Variants in TNNI3K observed in about 807,000 individuals in gnomAD.
TNNI3K encodes serine/threonine-protein kinase TNNI3K.
In TNNI3K, 140 loss-of-function variants were observed where a neutral mutation model predicts 114.5. The ratio of observed to expected loss-of-function variants is 1.22; its 90% CI spans 1.07 to 1.41. The LOEUF (loss-of-function observed/expected upper bound fraction) is 1.41, where lower values mean the gene tolerates loss of function less well. Ranked by LOEUF, TNNI3K falls within the 40% of genes most tolerant of loss-of-function variation. The pLI, the probability that TNNI3K is intolerant of heterozygous loss-of-function variation, is 0.00. For missense variants in TNNI3K, 1,125 were observed against 1,007.6 expected (o/e 1.12, Z -1.58); for synonymous variants, 347 against 347.5 (o/e 1.00, Z 0.02).
intron 23 of TNNI3K, among the ~76,000 whole-genome samples, chr1:74,516,891 T>A (rs1451268487): frequency 6.6e-6 from 1 of 152,188 alleles, no homozygotes; most frequent in East Asian, 1.9e-4. Context: ...ACAAAAATGA[T>A]ATCAACAATT....
intron 7 of TNNI3K, 95 bp from the exon 8 acceptor site, chr1:74,342,747 T>G: frequency 6.8e-7 from 1 of 1,464,374 alleles, no homozygotes; most frequent in Non-Finnish European, 9.2e-7. Context: ...CAGGAATCAC[T>G]CAGGCACTTA....
At chr1:74,343,605 C>G (rs544168843) in intron 9 of TNNI3K, among the ~76,000 whole-genome samples, 2 of 152,270 alleles carry the variant, frequency 1.3e-5, no homozygotes, top group South Asian at 4.1e-4. Context: ...TCCACTTAAA[C>G]CTTATGTGAA....
chr1:74,268,719 G>A (rs1656167191), intron 4 of TNNI3K, among the ~76,000 whole-genome samples: 1 of 151,842 alleles, frequency 6.6e-6, no homozygotes, highest in African/African-American at 2.4e-5. Flanking sequence ...GTCATTGTGA[G>A]AGCTGAAATT....
intron 4 of TNNI3K, among the ~76,000 whole-genome samples, chr1:74,264,123 AG>A (rs1222612765): frequency 6.6e-6 from 1 of 151,856 alleles, no homozygotes; most frequent in Admixed American, 6.6e-5. Context: ...GTCCAAAGCA[AG>A]GGTACAGATA....
chr1:74,483,314 A>G, intron 21 of TNNI3K: 1 of 717,554 alleles, frequency 1.4e-6, no homozygotes, highest in South Asian at 1.5e-5. Flanking sequence ...TGCACACCAC[A>G]CATGACTCAG....
chr1:74,313,261 GTTC>G (rs1054745218), intron 5 of TNNI3K, among the ~76,000 whole-genome samples: 2 of 152,036 alleles, frequency 1.3e-5, no homozygotes, highest in Non-Finnish European at 2.9e-5. Context: ...TATCTCTACC[GTTC>G]TTCTCTCACC....
chr1:74,478,338 A>T (rs529871176), intron 21 of TNNI3K, among the ~76,000 whole-genome samples: 105 of 152,340 alleles, frequency 6.9e-4, no homozygotes, highest in African/African-American at 2.4e-3. Context: ...ATCAGAATTT[A>T]TTCATGTATA....
chr1:74,478,394 T>C (rs1668310193), intron 21 of TNNI3K, among the ~76,000 whole-genome samples: 2 of 152,232 alleles, frequency 1.3e-5, no homozygotes, highest in South Asian at 4.1e-4. Flanking sequence ...TCTTCTAGAA[T>C]TTGTATTCAT....
chr1:74,326,661 T>G (rs1375218703), intron 5 of TNNI3K, among the ~76,000 whole-genome samples: 1 of 152,166 alleles, frequency 6.6e-6, no homozygotes, highest in Non-Finnish European at 1.5e-5. Flanking sequence ...AAGATTACAT[T>G]GTGTCACTAA....
intron 2 of TNNI3K, among the ~76,000 whole-genome samples, chr1:74,237,670 A>G (rs921526474): frequency 1.3e-5 from 2 of 151,958 alleles, no homozygotes; most frequent in African/African-American, 4.8e-5. Flanking sequence ...GCTATAATGG[A>G]CTTTTCCTGT....
chr1:74,537,321 G>C (rs1383664719), intron 23 of TNNI3K, among the ~76,000 whole-genome samples: 1 of 152,150 alleles, frequency 6.6e-6, no homozygotes, highest in African/African-American at 2.4e-5. Context: ...TGTCTTGAGT[G>C]ATATTCTATT....
chr1:74,531,992 A>G (rs1646592282), intron 23 of TNNI3K, among the ~76,000 whole-genome samples: 1 of 152,222 alleles, frequency 6.6e-6, no homozygotes, highest in African/African-American at 2.4e-5. Flanking sequence ...TTAGCTGCAT[A>G]AAAACTAATT....
chr1:74,291,861 T>G (rs564850773), intron 5 of TNNI3K, among the ~76,000 whole-genome samples: 1 of 151,728 alleles, frequency 6.6e-6, no homozygotes, highest in Non-Finnish European at 1.5e-5. Flanking sequence ...ACTTAATTTT[T>G]TGACATGTTC....
At chr1:74,539,460 A>G (rs1459389990) in intron 23 of TNNI3K, among the ~76,000 whole-genome samples, 10 of 152,188 alleles carry the variant, frequency 6.6e-5, no homozygotes, top group African/African-American at 9.6e-5. Context: ...AGATGCTAGG[A>G]TGAAGATTTT....
intron 20 of TNNI3K, among the ~76,000 whole-genome samples, chr1:74,440,797 G>C (rs887586606): frequency 6.6e-6 from 1 of 152,128 alleles, no homozygotes; most frequent in East Asian, 1.9e-4. Flanking sequence ...CATTTGTAAG[G>C]TCTTGTTCTG....
At chr1:74,473,490 A>C (rs539786261) in intron 21 of TNNI3K, among the ~76,000 whole-genome samples, 1 of 152,092 alleles carries the variant, frequency 6.6e-6, no homozygotes, top group East Asian at 1.9e-4. Flanking sequence ...AAACATCTTA[A>C]CCGCAAAAAA....
chr1:74,431,898 A>C (rs893746704), intron 17 of TNNI3K, among the ~76,000 whole-genome samples: 4 of 152,138 alleles, frequency 2.6e-5, no homozygotes, highest in African/African-American at 9.6e-5. Context: ...TCAAAATGTT[A>C]AATGCAGAAA....
chr1:74,350,222 G>A (rs145666049), intron 9 of TNNI3K, among the ~76,000 whole-genome samples: 11,141 of 152,106 alleles, frequency 0.073, 489 homozygotes, highest in African/African-American at 0.11. Context: ...CCTTCATTTC[G>A]TTATTTACCC....
rs1304216382 is a variant in TNNI3K at position 74,236,133 on chromosome 1, T to G, written c.72T>G (p.Tyr24Ter). Reference protein sequence around the residue: ...DEWKKKVSESYVITIERLEDD... With the variant: ...DEWKKKVSES ...GGAAGAAAAAAGTCAGTGAATCATATGTTATCACAATAGAAAGATTAGAAG... is the reference window on the plus strand; with the variant it reads ...GGAAGAAAAAAGTCAGTGAATCATAGGTTATCACAATAGAAAGATTAGAAG... The change falls in exon 2 of 25, where the codon TAT (tyrosine) becomes TAG (stop). Residue 24 changes from tyrosine (Y) to a stop codon, truncating the protein, a stop_gained. Transcript: ENST00000326637. LOFTEE classifies it high-confidence loss of function. 2 of 1,608,046 alleles carry G rather than the reference T, an allele frequency of 1.2e-6. No individual in the cohort carries two copies. Among genetic ancestry groups the G allele is most frequent in the Non-Finnish European group, 1.7e-6 (2 of 1,176,034 alleles).
Sources: gnomAD v4.1 joint callset for allele counts (sites outside exome capture counted in the v4.1 genomes callset) on GRCh38, gnomAD v4.1.1 for gene constraint, MANE v1.5 for transcripts, NCBI Gene and HGNC (gene_info 2026-07-23, HGNC 2026-07-21) for gene names.